Variants in ITGA3 observed in about 807,000 individuals in gnomAD.
ITGA3 encodes the protein integrin subunit alpha 3.
In ITGA3, 70 loss-of-function variants were observed where a neutral mutation model predicts 131.1. That is an observed-to-expected ratio of 0.53 (90% CI 0.44 to 0.65). ITGA3 has a LOEUF of 0.65. ITGA3 is among the 30% of genes least tolerant of loss of function. The probability of loss-of-function intolerance (pLI) is 0.00; values close to 1 mark genes in which losing one functional copy is unlikely to be tolerated. For missense variants in ITGA3, 1,098 were observed against 1,388.6 expected (o/e 0.79, Z 3.33); for synonymous variants, 537 against 571.6 (o/e 0.94, Z 0.86).
chr17:50,088,553 C>A (rs1310703331), intron 25 of ITGA3, among the ~76,000 whole-genome samples, 187 bp downstream of exon 25: 1 of 152,230 alleles, frequency 6.6e-6, no homozygotes, highest in African/African-American at 2.4e-5. Flanking sequence ...TCAGCCTCCC[C>A]CTAAGCCCCT....
At chr17:50,081,252 G>A in intron 22 of ITGA3, 58 bp from the exon 23 acceptor site, 1 of 1,116,648 alleles carries the variant, frequency 9.0e-7, no homozygotes, top group Non-Finnish European at 1.3e-6. Flanking sequence ...CTTAGGGTCG[G>A]AGGTAGGCTC....
At chr17:50,084,230 CAAAAAAA>C (rs61103198) in intron 23 of ITGA3, among the ~76,000 whole-genome samples, 15 of 26,990 alleles carry the variant, frequency 5.6e-4, no homozygotes, top group Admixed American at 3.9e-3. Flanking sequence ...GACTCTGTCT[CAAAAAAA>C]AAAAAAAAAA....
At chr17:50,084,230 C>CAAAAAAA (rs61103198) in intron 23 of ITGA3, among the ~76,000 whole-genome samples, 5 of 26,984 alleles carry the variant, frequency 1.9e-4, no homozygotes, top group African/African-American at 5.0e-4. Flanking sequence ...GACTCTGTCT[C>CAAAAAAA]AAAAAAAAAA....
intron 4 of ITGA3, among the ~76,000 whole-genome samples, chr17:50,069,119 A>G (rs1908496345): frequency 6.6e-6 from 1 of 152,096 alleles, no homozygotes; most frequent in African/African-American, 2.4e-5. Context: ...AAGTACTGGG[A>G]TTACAGGCGT....
intron 22 of ITGA3, 70 bp downstream of exon 22, chr17:50,080,445 G>A (rs1171406170): frequency 4.7e-6 from 4 of 850,544 alleles, no homozygotes; most frequent in Non-Finnish European, 7.6e-6. Flanking sequence ...GAGAGGGCGA[G>A]TCCAGGGTCA....
Position 50,089,397 on chromosome 17 carries a change from G to A in ITGA3, c.*319G>A, listed in dbSNP as rs1450627072. On this transcript the variant is annotated 3_prime_UTR_variant, in exon 26 of 26. Transcript: ENST00000320031. ...CAGCAGGCTCAGGCACATACACCTC[G>A]TCAAGAGCATGCACATGCTGTCTGG... 7 of 704,462 alleles carry A rather than the reference G, an allele frequency of 9.9e-6. No homozygotes were observed. Among genetic ancestry groups the A allele is most frequent in the Admixed American group, 5.2e-5 (2 of 38,680 alleles). The allele number at this position is 704,462 out of a possible 1,614,324, so 43.6% of individuals were successfully genotyped here.
chr17:50,057,485 T>G (rs1181828672), intron 1 of ITGA3, among the ~76,000 whole-genome samples: 1 of 152,218 alleles, frequency 6.6e-6, no homozygotes, highest in Non-Finnish European at 1.5e-5. Context: ...GCACCCAGCC[T>G]CCTGGGTCCC....
chr17:50,081,023 C>T (rs1909163477), intron 22 of ITGA3: 2 of 392,368 alleles, frequency 5.1e-6, no homozygotes, highest in East Asian at 4.8e-5. Flanking sequence ...TCATTTACAA[C>T]AGCAGGTGCC....
Position 50,071,972 on chromosome 17 carries a change from C to T in ITGA3, c.960-14C>T. 1 of 1,609,940 alleles carries T rather than the reference C, an allele frequency of 6.2e-7. No homozygotes were observed. Among genetic ancestry groups the T allele is most frequent in the South Asian group, 1.1e-5 (1 of 90,712 alleles). On this transcript the variant is annotated splice_polypyrimidine_tract_variant and intron_variant, in intron 6 of 25. Coordinates refer to ENST00000320031, the MANE Select transcript of ITGA3 (RefSeq NM_002204.4). ...GCTGACCTCACACTCCCATTTCCCT[C>T]CTCTCCTGTGTAGGTGGCAGGACCT...
chr17:50,063,335 C>A (rs1399663083), intron 1 of ITGA3, among the ~76,000 whole-genome samples: 2 of 152,168 alleles, frequency 1.3e-5, no homozygotes, highest in African/African-American at 4.8e-5. Flanking sequence ...GTGTGCCTGT[C>A]TTAAGGTAAC....
intron 16 of ITGA3, among the ~76,000 whole-genome samples, chr17:50,077,678 G>A (rs1365043997): frequency 6.6e-6 from 1 of 152,212 alleles, no homozygotes; most frequent in Admixed American, 6.5e-5. Flanking sequence ...GAGGAAACCA[G>A]TTTGACCAAG....
intron 21 of ITGA3, 91 bp downstream of exon 21, chr17:50,079,648 A>ATCACACTGAG: frequency 2.2e-6 from 3 of 1,359,404 alleles, no homozygotes; most frequent in Non-Finnish European, 2.9e-6. Context: ...GGGAGACCTC[A>ATCACACTGAG]GTGTGATGAG....
Position 50,075,534 on chromosome 17 carries a change from C to T in ITGA3, c.1537+8C>T. On this transcript the variant is annotated splice_region_variant and intron_variant, in intron 11 of 25. Transcript: ENST00000320031. ...ACTACAGGCGAAACATCAGTGAGTG[C>T]TGGGGTGCAGCGTAAAAGGGGTACG... The T allele has an allele frequency of 1.2e-6, 2 of 1,614,236 alleles. No homozygotes were observed. Among genetic ancestry groups the T allele is most frequent in the Non-Finnish European group, 1.7e-6 (2 of 1,180,024 alleles).
At chr17:50,076,711 G>T in intron 14 of ITGA3, 30 bp downstream of exon 14, 1 of 1,574,932 alleles carries the variant, frequency 6.3e-7, no homozygotes, top group Non-Finnish European at 8.7e-7. Flanking sequence ...CGCGTTAATC[G>T]GCCAAGGGTG....
At chr17:50,075,344 C>G (rs1386346729) in intron 10 of ITGA3, 115 bp from the exon 11 acceptor site, 5 of 1,049,050 alleles carry the variant, frequency 4.8e-6, no homozygotes, top group Non-Finnish European at 7.3e-6. Context: ...CCAGTTTTGT[C>G]CCTGCCTCTC....
chr17:50,080,118 G>A (rs1909116351), intron 21 of ITGA3, 144 bp from the exon 22 acceptor site: 5 of 560,898 alleles, frequency 8.9e-6, no homozygotes, highest in African/African-American at 5.7e-5. Flanking sequence ...GTTGGGGGAC[G>A]TGTGCATGAG....
chr17:50,077,739 A>G (rs1003680192), intron 16 of ITGA3, among the ~76,000 whole-genome samples: 2 of 152,216 alleles, frequency 1.3e-5, no homozygotes, highest in African/African-American at 2.4e-5. Context: ...CTTTGATATG[A>G]TATAATTCTC....
intron 3 of ITGA3, among the ~76,000 whole-genome samples, chr17:50,066,714 G>A (rs558275505): frequency 8.1e-4 from 124 of 152,216 alleles, no homozygotes; most frequent in African/African-American, 2.8e-3. Flanking sequence ...GAGAAAGGTT[G>A]GAGTGAGCTG....
At position 50,056,734 on chromosome 17, in the gene ITGA3, C is replaced by G; in HGVS notation, c.206+89C>G. 1 of 1,353,314 alleles carries G rather than the reference C, an allele frequency of 7.4e-7. No homozygotes were observed. Among genetic ancestry groups the G allele is most frequent in the Admixed American group, 2.2e-5 (1 of 46,040 alleles). 83.8% of individuals were successfully genotyped at this position (1,353,314 alleles called of 1,614,324 possible). A position where few individuals can be genotyped will look rare whatever the true frequency, so the allele number is the denominator to read the frequency against. ...GGAGCTGAGTCGGAGCCCAGGGCAG[C>G]TGGCCCTTGGGAGCCAGGATTAAGG... On this transcript the variant is annotated intron_variant, in intron 1 of 25. Transcript: ENST00000320031. The surrounding 1 kb of genome is among the most constrained non-coding windows in gnomAD (Gnocchi z 5.6).
Sources: allele counts gnomAD v4.1 joint callset (sites outside exome capture counted in the v4.1 genomes callset), GRCh38; gene constraint gnomAD v4.1.1; non-coding constraint Gnocchi (gnomAD v3.1); transcripts MANE v1.5; gene names NCBI Gene and HGNC (gene_info 2026-07-23, HGNC 2026-07-21).